The following ACKR3 variants were observed in gnomAD, a reference collection of about 807,000 sequenced individuals.
ACKR3 encodes atypical chemokine receptor 3, also known as C-X-C chemokine receptor type 7.
ACKR3 carries 6 observed loss-of-function variants against 22.4 expected under a neutral mutation model. The observed-to-expected ratio is 0.27, with a 90% CI of 0.15 to 0.53. The LOEUF (loss-of-function observed/expected upper bound fraction) is 0.53. Ranked by LOEUF, ACKR3 falls within the 20% of genes least tolerant of loss-of-function variation. The pLI, the probability that ACKR3 is intolerant of heterozygous loss-of-function variation, is 0.96. For missense variants in ACKR3, 396 were observed against 475.2 expected (o/e 0.83, Z 1.55); for synonymous variants, 209 against 205.2 (o/e 1.02, Z -0.16).
At chr2:236,580,408 C>T (rs1157920239) in intron 1 of ACKR3, 32 bp from the exon 2 acceptor site, 3 of 1,554,742 alleles carry the variant, frequency 1.9e-6, no homozygotes, top group East Asian at 4.5e-5. Flanking sequence ...CTTTCCTCTT[C>T]CATCTTTTTT....
At chr2:236,540,399 C>T in the ACKR3 span, among the ~76,000 whole-genome samples, 21 of 150,528 alleles carry the variant, frequency 1.4e-4, no homozygotes, top group East Asian at 2.3e-3. Flanking sequence ...TTGAGTTATA[C>T]GGGTTCTTTC....
chr2:236,557,269 T>A, the ACKR3 span, among the ~76,000 whole-genome samples: 1 of 151,972 alleles, frequency 6.6e-6, no homozygotes. Context: ...TGTGTGTGTG[T>A]GTGTGTGTGT....
chr2:236,572,643 C>G (rs1167934421), intron 1 of ACKR3, among the ~76,000 whole-genome samples: 1 of 152,200 alleles, frequency 6.6e-6, no homozygotes, highest in Non-Finnish European at 1.5e-5. Flanking sequence ...TAGTCCTAAG[C>G]TGGGTGGGAA....
the ACKR3 span, among the ~76,000 whole-genome samples, chr2:236,557,486 G>C: frequency 2.0e-5 from 3 of 152,228 alleles, 1 homozygote; most frequent in Admixed American, 1.3e-4. Context: ...AAATGAGGAA[G>C]TATTCAAAGA....
the ACKR3 span, among the ~76,000 whole-genome samples, chr2:236,551,918 C>A: frequency 6.6e-6 from 1 of 152,152 alleles, no homozygotes; most frequent in Admixed American, 6.5e-5. Context: ...CAAGTAGCCA[C>A]GGCCTCTGCT....
the ACKR3 span, among the ~76,000 whole-genome samples, chr2:236,545,520 A>C: frequency 6.6e-6 from 1 of 152,242 alleles, no homozygotes; most frequent in African/African-American, 2.4e-5. The surrounding 1 kb of genome is among the most constrained non-coding windows in gnomAD (Gnocchi z 5.3). Context: ...ACAGGCAGCC[A>C]ATCAATGTTT....
rs748842242 is a variant in ACKR3 at position 236,577,172 on chromosome 2, C to T, written c.-26-3268C>T. Among the ~76,000 whole-genome samples, 1 of 152,086 alleles carries T rather than the reference C, an allele frequency of 6.6e-6. No individual in the cohort carries two copies. The highest frequency in any genetic ancestry group is 1.5e-5 in the Non-Finnish European group (1 of 68,016). ...TGAGTGATGATAGGTGGCCGGTGAT[C>T]GGTGGGGCAGTGAGGAGCTCCAGCC... On this transcript the variant is annotated intron_variant, in intron 1 of 1. Transcript: ENST00000272928. This position sits in a 1 kb window ranked among gnomAD's most constrained non-coding sequence, Gnocchi z 5.6.
intron 1 of ACKR3, among the ~76,000 whole-genome samples, chr2:236,571,757 C>A (rs1264968795): frequency 6.6e-6 from 1 of 151,712 alleles, no homozygotes; most frequent in Non-Finnish European, 1.5e-5. Flanking sequence ...GTCACTCAAA[C>A]CTGAGGCTGA....
At chr2:236,563,562 T>C (rs553078846), upstream of ACKR3, among the ~76,000 whole-genome samples, 1 of 152,226 alleles carries the variant, frequency 6.6e-6, no homozygotes, top group South Asian at 2.1e-4. Flanking sequence ...GGTGGCCACA[T>C]AACAGGCCAG....
chr2:236,548,500 G>C, the ACKR3 span, among the ~76,000 whole-genome samples: 1 of 152,210 alleles, frequency 6.6e-6, no homozygotes, highest in East Asian at 1.9e-4. This position sits in a 1 kb window ranked among gnomAD's most constrained non-coding sequence, Gnocchi z 4.3. Context: ...AAGATGGTAA[G>C]ATTTTCACCA....
At chr2:236,550,347 C>T in the ACKR3 span, among the ~76,000 whole-genome samples, 1 of 152,342 alleles carries the variant, frequency 6.6e-6, no homozygotes, top group African/African-American at 2.4e-5. The surrounding 1 kb of genome is among the most constrained non-coding windows in gnomAD (Gnocchi z 4.6). Context: ...ACACATCTGC[C>T]AGGCCAGTGT....
At chr2:236,553,159 TG>T in the ACKR3 span, among the ~76,000 whole-genome samples, 1 of 151,884 alleles carries the variant, frequency 6.6e-6, no homozygotes, top group Non-Finnish European at 1.5e-5. Context: ...CAGTGCACCC[TG>T]GGGGGAGGGT....
intron 1 of ACKR3, among the ~76,000 whole-genome samples, chr2:236,570,197 T>A (rs1403788310): frequency 6.6e-6 from 1 of 152,234 alleles, no homozygotes; most frequent in Non-Finnish European, 1.5e-5. Context: ...TTTAGGAATC[T>A]GGTGTTTATT....
In ACKR3 at chr2:236,581,664, G is replaced by A; in HGVS notation, c.*110G>A. ...AGCTTCGGGTCTTGATGCTTGAGTA[G>A]AGTGAAGAGGGGAGCACGTGCCCCC... On this transcript the variant is annotated 3_prime_UTR_variant, in exon 2 of 2. Transcript: ENST00000272928. This position sits in a 1 kb window ranked among gnomAD's most constrained non-coding sequence, Gnocchi z 4.4. 1 of 1,380,294 alleles carries A rather than the reference G, an allele frequency of 7.2e-7. No individual in the cohort carries two copies. The highest frequency in any genetic ancestry group is 9.8e-7 in the Non-Finnish European group (1 of 1,019,994). 85.5% of individuals were successfully genotyped at this position (1,380,294 alleles called of 1,614,324 possible).
chr2:236,551,416 A>G, the ACKR3 span, among the ~76,000 whole-genome samples: 1 of 152,086 alleles, frequency 6.6e-6, no homozygotes, highest in African/African-American at 2.4e-5. Context: ...CCCAGGAGGG[A>G]CTCAGACAGC....
chr2:236,576,884 G>GT (rs1282214495), intron 1 of ACKR3, among the ~76,000 whole-genome samples: 2 of 152,214 alleles, frequency 1.3e-5, no homozygotes, highest in African/African-American at 2.4e-5. Context: ...TTGTTTTTCT[G>GT]TTTTTTGTTT....
At chr2:236,576,356 A>G (rs1441161112) in intron 1 of ACKR3, among the ~76,000 whole-genome samples, 1 of 152,156 alleles carries the variant, frequency 6.6e-6, no homozygotes, top group Non-Finnish European at 1.5e-5. Context: ...CTCTTTCTGT[A>G]TGGGATGAGG....
At chr2:236,557,893 G>C in the ACKR3 span, among the ~76,000 whole-genome samples, 26 of 152,236 alleles carry the variant, frequency 1.7e-4, no homozygotes, top group African/African-American at 6.3e-4. Flanking sequence ...TTATCTTAAG[G>C]AACGATCAGA....
chr2:236,538,699 G>A, the ACKR3 span, among the ~76,000 whole-genome samples: 297 of 152,190 alleles, frequency 2.0e-3, 3 homozygotes, highest in East Asian at 0.015. Context: ...GTGTAGGCAC[G>A]GTTGCCAGAT....
Sources: allele counts gnomAD v4.1 joint callset (sites outside exome capture counted in the v4.1 genomes callset), GRCh38; gene constraint gnomAD v4.1.1; non-coding constraint Gnocchi (gnomAD v3.1); transcripts MANE v1.5; gene names NCBI Gene and HGNC (gene_info 2026-07-23, HGNC 2026-07-21).